FBXL2: variants seen among roughly 807,000 people sequenced by gnomAD.
The protein encoded by FBXL2 is F-box and leucine rich repeat protein 2, also known as F-box/LRR-repeat protein 2.
Under a neutral mutation model 69.2 loss-of-function variants are expected in FBXL2, and 38 were observed. The observed-to-expected ratio is 0.55, with a 90% CI of 0.42 to 0.72. The LOEUF (loss-of-function observed/expected upper bound fraction) is 0.72. Ranked by LOEUF, FBXL2 falls within the 30% of genes least tolerant of loss-of-function variation. FBXL2 has a pLI of 0.00. For synonymous variants in FBXL2, 192 were observed against 201.3 expected (o/e 0.95, Z 0.39); for missense variants, 354 against 520.3 (o/e 0.68, Z 3.11).
intron 2 of FBXL2, among the ~76,000 whole-genome samples, chr3:33,315,790 T>G (rs1222983353): frequency 1.3e-5 from 2 of 152,172 alleles, no homozygotes; most frequent in Non-Finnish European, 2.9e-5. Context: ...TGTGGACATA[T>G]CTTTCTGGTA....
At chr3:33,395,770 A>G (rs1217412533) in intron 12 of FBXL2, among the ~76,000 whole-genome samples, 43 of 149,718 alleles carry the variant, frequency 2.9e-4, no homozygotes, top group African/African-American at 7.1e-4. Flanking sequence ...AAAAAAAAAA[A>G]AAAGAAAAAG....
In FBXL2 at chr3:33,386,459, G is replaced by A. The variant is rs754695672; in HGVS notation, c.*851G>A. The A allele has an allele frequency of 1.3e-5, 2 of 151,998 alleles. No individual in the cohort carries two copies. Among genetic ancestry groups the A allele is most frequent in the African/African-American group, 2.4e-5 (1 of 41,386 alleles). 9.4% of individuals were successfully genotyped at this position (151,998 alleles called of 1,614,324 possible). ...TGTAGTATAATCAATTAGAAGTAATGAATGGATGCATGTAAAATGGATGTG... is the reference window on the plus strand; with the variant it reads ...TGTAGTATAATCAATTAGAAGTAATAAATGGATGCATGTAAAATGGATGTG... On this transcript the variant is annotated 3_prime_UTR_variant, in exon 15 of 15. Coordinates refer to ENST00000484457, the MANE Select transcript of FBXL2 (RefSeq NM_012157.5).
At chr3:33,402,720 C>T in intron 12 of FBXL2, 1 of 1,012,864 alleles carries the variant, frequency 9.9e-7, no homozygotes, top group South Asian at 2.0e-5. Context: ...AAACAAAAGG[C>T]TGCTGTACAT....
intron 1 of FBXL2, chr3:33,278,158 T>A (rs953220295): frequency 6.6e-6 from 1 of 152,176 alleles, no homozygotes; most frequent in African/African-American, 2.4e-5. Flanking sequence ...ACGTCTTAAA[T>A]CATTACCTTT....
chr3:33,297,011 T>C (rs2035809849), intron 1 of FBXL2, among the ~76,000 whole-genome samples: 1 of 152,182 alleles, frequency 6.6e-6, no homozygotes, highest in African/African-American at 2.4e-5. Context: ...CTAGTAAGTC[T>C]TTCAGTTCAT....
the FBXL2 span, chr3:33,408,782 T>C: frequency 1.9e-6 from 3 of 1,613,874 alleles, no homozygotes; most frequent in South Asian, 1.1e-5. Flanking sequence ...TCTTCAATTA[T>C]AGGCTCAAGC....
downstream of FBXL2, chr3:33,388,260 TA>T (rs2043594950): frequency 2.0e-5 from 3 of 152,428 alleles, no homozygotes; most frequent in African/African-American, 7.2e-5. Context: ...TGGCTCAGAA[TA>T]CACACAGGGA....
At chr3:33,298,504 T>C (rs2035947736) in intron 2 of FBXL2, among the ~76,000 whole-genome samples, 1 of 151,946 alleles carries the variant, frequency 6.6e-6, no homozygotes, top group Admixed American at 6.6e-5. Context: ...AAACCCTGTC[T>C]CTACTAAAAA....
intron 1 of FBXL2, chr3:33,289,702 T>C: frequency 1.0e-6 from 1 of 980,060 alleles, no homozygotes; most frequent in Non-Finnish European, 1.2e-6. Flanking sequence ...TACACCTACC[T>C]GCCAACTTTT....
chr3:33,376,663 C>T (rs2154050129), intron 10 of FBXL2, among the ~76,000 whole-genome samples: 1 of 152,256 alleles, frequency 6.6e-6, no homozygotes, highest in African/African-American at 2.4e-5. Context: ...TGGAGTAAAT[C>T]TCAAGATGAT....
At chr3:33,400,473 C>T (rs1164129453) in intron 12 of FBXL2, among the ~76,000 whole-genome samples, 1 of 152,050 alleles carries the variant, frequency 6.6e-6, no homozygotes, top group Non-Finnish European at 1.5e-5. Flanking sequence ...GCTATTCAGC[C>T]ATAAAAAAAG....
the FBXL2 span, among the ~76,000 whole-genome samples, chr3:33,413,899 A>G: frequency 6.6e-6 from 1 of 152,192 alleles, no homozygotes; most frequent in Non-Finnish European, 1.5e-5. Flanking sequence ...TAAGACACCA[A>G]TGCCAGTGGT....
intron 2 of FBXL2, among the ~76,000 whole-genome samples, chr3:33,340,576 TAAAAAAAA>T (rs111348589): frequency 9.1e-6 from 1 of 110,124 alleles, no homozygotes; most frequent in African/African-American, 3.5e-5. Flanking sequence ...TTATTTTGAT[TAAAAAAAA>T]AAAAAAAAAA....
At chr3:33,419,063 C>G in the FBXL2 span, among the ~76,000 whole-genome samples, 2 of 152,112 alleles carry the variant, frequency 1.3e-5, no homozygotes, top group Non-Finnish European at 2.9e-5. Context: ...GTATAAATCC[C>G]TCAGTTTTCT....
At chr3:33,344,179 A>G (rs1032186754) in intron 2 of FBXL2, among the ~76,000 whole-genome samples, 1 of 152,092 alleles carries the variant, frequency 6.6e-6, no homozygotes, top group African/African-American at 2.4e-5. Flanking sequence ...TTTTATGGAG[A>G]AAATTAAAAT....
intron 2 of FBXL2, among the ~76,000 whole-genome samples, chr3:33,353,129 CA>C (rs2040948255): frequency 7.9e-5 from 12 of 152,206 alleles, no homozygotes. Context: ...AATCTAAATA[CA>C]AAATGGTGGT....
the FBXL2 span, chr3:33,412,940 C>T: frequency 1.6e-6 from 1 of 638,246 alleles, no homozygotes; most frequent in Non-Finnish European, 2.8e-6. Flanking sequence ...CAACTAGATT[C>T]TGTTTTAAAC....
chr3:33,337,823 G>A (rs967622871), intron 2 of FBXL2, among the ~76,000 whole-genome samples: 5 of 152,208 alleles, frequency 3.3e-5, no homozygotes, highest in South Asian at 2.1e-4. Flanking sequence ...GACCAATAAC[G>A]TCCAAGCTGA....
intron 2 of FBXL2, among the ~76,000 whole-genome samples, chr3:33,348,283 CTT>C (rs2040591518): frequency 6.6e-6 from 1 of 152,078 alleles, no homozygotes; most frequent in African/African-American, 2.4e-5. Flanking sequence ...AAGAGACTGT[CTT>C]TTCTCCAGGA....
Sources: allele counts gnomAD v4.1 joint callset (sites outside exome capture counted in the v4.1 genomes callset), GRCh38; gene constraint gnomAD v4.1.1; transcripts MANE v1.5; gene names NCBI Gene and HGNC (gene_info 2026-07-23, HGNC 2026-07-21).